PHF3: variants seen among roughly 807,000 people sequenced by gnomAD.
The protein encoded by PHF3 is PHD finger protein 3.
A neutral mutation model predicts 178.4 loss-of-function variants in PHF3; 41 were observed. The observed-to-expected ratio is 0.23, with a 90% CI of 0.18 to 0.30. The LOEUF (loss-of-function observed/expected upper bound fraction) is 0.30, where lower values mean the gene tolerates loss of function less well. Among genes scored for constraint, PHF3 ranks in the 10% least tolerant of loss-of-function variants. PHF3 has a pLI of 1.00. For missense variants in PHF3, 2,346 were observed against 2,398.1 expected (o/e 0.98, Z 0.45); for synonymous variants, 842 against 800.5 (o/e 1.05, Z -0.88).
intron 3 of PHF3, among the ~76,000 whole-genome samples, chr6:63,680,891 C>T (rs555629883): frequency 1.3e-5 from 2 of 152,028 alleles, no homozygotes; most frequent in Non-Finnish European, 1.5e-5. Context: ...CTCCCTTTAC[C>T]ATTTTTCTGG....
At chr6:63,658,772 AGAGG>A (rs1765346561) in intron 2 of PHF3, among the ~76,000 whole-genome samples, 1 of 150,794 alleles carries the variant, frequency 6.6e-6, no homozygotes, top group African/African-American at 2.4e-5. Context: ...AACGAGAGAG[AGAGG>A]GAGAGATTGA....
At chr6:63,672,382 G>A (rs1478680546) in intron 2 of PHF3, among the ~76,000 whole-genome samples, 1 of 152,102 alleles carries the variant, frequency 6.6e-6, no homozygotes, top group Non-Finnish European at 1.5e-5. Flanking sequence ...GTTAGTGTCT[G>A]GCCAAGTGCC....
At chr6:63,678,334 G>A (rs1310725828) in intron 2 of PHF3, among the ~76,000 whole-genome samples, 4 of 152,122 alleles carry the variant, frequency 2.6e-5, no homozygotes, top group African/African-American at 9.7e-5. Flanking sequence ...TAGCCTAACT[G>A]GAGTTCCTAC....
chr6:63,679,898 A>G (rs749735870), intron 2 of PHF3, 102 bp from the exon 3 acceptor site: 6 of 910,520 alleles, frequency 6.6e-6, no homozygotes, highest in African/African-American at 1.6e-5. Flanking sequence ...AAGAGTATGT[A>G]GTGTTACATT....
At chr6:63,652,977 TTTA>T (rs376711054) in intron 2 of PHF3, among the ~76,000 whole-genome samples, 2 of 151,784 alleles carry the variant, frequency 1.3e-5, no homozygotes, top group Admixed American at 6.5e-5. Context: ...TAACTCCAGC[TTTA>T]TTATTATTAT....
At chr6:63,651,094 C>G (rs192292105) in intron 2 of PHF3, among the ~76,000 whole-genome samples, 1 of 151,748 alleles carries the variant, frequency 6.6e-6, no homozygotes, top group Non-Finnish European at 1.5e-5. Context: ...TTTTGAGAAT[C>G]GAGTTTTAAA....
chr6:63,685,867 T>C lies in PHF3; in HGVS notation c.2145T>C (p.Thr715=). The C allele has an allele frequency of 6.2e-7, 1 of 1,613,316 alleles. No individual in the cohort carries two copies. Among genetic ancestry groups the C allele is most frequent in the Non-Finnish European group, 8.5e-7 (1 of 1,179,980 alleles). ...CATTTGAAAGCAAATATATGTGGAC[T>C]CCCAGCAAGCAGTGTGGGTTTTGCA... ...SSSFESKYMW[T]PSKQCGFCKK... Residue 715 remains threonine, a synonymous_variant, in exon 4 of 16, where the codon ACT becomes ACC. Transcript: ENST00000262043.
intron 14 of PHF3, 26 bp from the exon 15 acceptor site, chr6:63,711,141 C>A: frequency 2.0e-6 from 3 of 1,525,812 alleles, no homozygotes; most frequent in East Asian, 2.3e-5. Flanking sequence ...TTACCTTAAA[C>A]AATTATTTGT....
intron 2 of PHF3, among the ~76,000 whole-genome samples, chr6:63,650,655 T>C (rs775762478): frequency 3.7e-4 from 57 of 152,352 alleles, no homozygotes; most frequent in South Asian, 3.5e-3. Flanking sequence ...AATTTTAAAC[T>C]TTAGTCATAC....
chr6:63,691,369 A>G (rs1489872084), intron 4 of PHF3, among the ~76,000 whole-genome samples: 1 of 152,104 alleles, frequency 6.6e-6, no homozygotes, highest in East Asian at 1.9e-4. Flanking sequence ...TGAAATTATT[A>G]CCAAGATCTT....
chr6:63,711,076 A>G, intron 14 of PHF3, 91 bp from the exon 15 acceptor site: 1 of 869,878 alleles, frequency 1.1e-6, no homozygotes, highest in East Asian at 2.8e-5. Context: ...TATAAAGTTC[A>G]ATAGATTATT....
intron 3 of PHF3, among the ~76,000 whole-genome samples, chr6:63,680,658 T>A (rs768834582): frequency 6.6e-6 from 1 of 152,002 alleles, no homozygotes; most frequent in Non-Finnish European, 1.5e-5. Flanking sequence ...CTTGTGTTTC[T>A]GATTTAAGTG....
rs1561989643 is a variant in PHF3 at position 63,714,722 on chromosome 6, C to G, written c.*1014C>G. ...CACTTTATAGGTAAGTTTCTGAAAA[C>G]TTTTACACCATCGCAATTTGGTACT... On this transcript the variant is annotated 3_prime_UTR_variant, in exon 16 of 16. Coordinates refer to ENST00000262043, the MANE Select transcript of PHF3 (RefSeq NM_001370348.2). The G allele has an allele frequency of 6.6e-6, 1 of 151,948 alleles. No homozygotes were observed. Among genetic ancestry groups the G allele is most frequent in the Non-Finnish European group, 1.5e-5 (1 of 67,946 alleles). The allele number at this position is 151,948 out of a possible 1,614,324, so 9.4% of individuals were successfully genotyped here.
intron 2 of PHF3, among the ~76,000 whole-genome samples, chr6:63,649,256 T>C (rs541189340): frequency 2.0e-5 from 3 of 152,108 alleles, no homozygotes; most frequent in Non-Finnish European, 2.9e-5. Context: ...GGAAATCTTA[T>C]TGTAATTATT....
At position 63,721,963 on chromosome 6, in the gene PHF3, A is replaced by T. The variant is rs1561994553; in HGVS notation, c.*8255A>T. On this transcript the variant is annotated 3_prime_UTR_variant, in exon 16 of 16. Coordinates refer to ENST00000262043, the MANE Select transcript of PHF3 (RefSeq NM_001370348.2). ...TTTCCACTCACAGAGCAAAATGCAT[A>T]TATCCTGTATTCTTTCATTTTGTTC... 6.6e-6 allele frequency among the ~76,000 whole-genome samples: 1 copy of T among 152,142 alleles called. No homozygotes were observed. Among genetic ancestry groups the T allele is most frequent in the Non-Finnish European group, 1.5e-5 (1 of 68,030 alleles).
At chr6:63,682,392 C>G (rs997080887) in intron 3 of PHF3, among the ~76,000 whole-genome samples, 1 of 152,028 alleles carries the variant, frequency 6.6e-6, no homozygotes, top group Non-Finnish European at 1.5e-5. Context: ...ACTTTTGGGT[C>G]TCTTATGTCA....
At chr6:63,649,999 T>G (rs1764954846) in intron 2 of PHF3, among the ~76,000 whole-genome samples, 1 of 152,350 alleles carries the variant, frequency 6.6e-6, no homozygotes, top group Middle Eastern at 3.4e-3. Context: ...ATGTGTTCCC[T>G]TTTTACATTG....
chr6:63,716,299 G>A lies in PHF3; in HGVS notation c.*2591G>A, dbSNP rs1768188254. Among the ~76,000 whole-genome samples, 2 of 152,104 alleles carry A rather than the reference G, an allele frequency of 1.3e-5. No homozygotes were observed. The highest frequency in any genetic ancestry group is 2.9e-5 in the Non-Finnish European group (2 of 67,984). ...CATGTGCTTAGCAATTGTGCTCTGA[G>A]AATTGAGAATGAGAAAAAGAAGCAA... On this transcript the variant is annotated 3_prime_UTR_variant, in exon 16 of 16. Transcript: ENST00000262043.
intron 1 of PHF3, among the ~76,000 whole-genome samples, chr6:63,644,147 T>G (rs1764685997): frequency 6.6e-6 from 1 of 152,104 alleles, no homozygotes; most frequent in African/African-American, 2.4e-5. Flanking sequence ...CAGTATACCG[T>G]TTTTTGAAGG....
Sources: allele counts gnomAD v4.1 joint callset (sites outside exome capture counted in the v4.1 genomes callset), GRCh38; gene constraint gnomAD v4.1.1; transcripts MANE v1.5; gene names NCBI Gene and HGNC (gene_info 2026-07-23, HGNC 2026-07-21).